The following FAM107B variants were observed in gnomAD, a reference collection of about 807,000 sequenced individuals.
FAM107B encodes family with sequence similarity 107 member B.
Under a neutral mutation model 31.5 loss-of-function variants are expected in FAM107B, and 21 were observed. The ratio of observed to expected loss-of-function variants is 0.67; its 90% CI spans 0.47 to 0.96. FAM107B has a LOEUF of 0.96. Ranked by LOEUF, FAM107B falls within the 40% of genes least tolerant of loss-of-function variation. The pLI is 0.00. For synonymous variants in FAM107B, 157 were observed against 141.5 expected, an observed-to-expected ratio of 1.11 and a Z score of -0.78; for missense variants, 452 against 377.1, an observed-to-expected ratio of 1.20 and a Z score of -1.64.
At chr10:14,544,933 C>T (rs1203432724) in intron 2 of FAM107B, among the ~76,000 whole-genome samples, 2 of 152,168 alleles carry the variant, frequency 1.3e-5, no homozygotes, top group African/African-American at 2.4e-5. Context: ...TACAAATGCA[C>T]AGCATGGTGA....
intron 1 of FAM107B, among the ~76,000 whole-genome samples, chr10:14,681,669 G>A (rs1854839362): frequency 6.6e-6 from 1 of 152,176 alleles, no homozygotes; most frequent in Non-Finnish European, 1.5e-5. Flanking sequence ...GATGGAGGAC[G>A]TGGGTGCTAT....
chr10:14,588,073 G>A (rs1328996562), intron 2 of FAM107B, among the ~76,000 whole-genome samples: 1 of 151,984 alleles, frequency 6.6e-6, no homozygotes, highest in African/African-American at 2.4e-5. Context: ...ATTAATCGAC[G>A]TGACGTTAGT....
chr10:14,762,943 A>C (rs1321730373), intron 1 of FAM107B, among the ~76,000 whole-genome samples: 4 of 152,120 alleles, frequency 2.6e-5, no homozygotes, highest in Non-Finnish European at 5.9e-5. Flanking sequence ...CTATATGTTA[A>C]TTTATTCATG....
At chr10:14,647,409 T>C (rs572223063) in intron 2 of FAM107B, among the ~76,000 whole-genome samples, 3 of 152,132 alleles carry the variant, frequency 2.0e-5, no homozygotes, top group Non-Finnish European at 4.4e-5. Context: ...CTGGGTGCAG[T>C]GGCTCAGGCC....
chr10:14,732,425 T>A (rs1319683254), intron 1 of FAM107B, among the ~76,000 whole-genome samples: 1 of 152,242 alleles, frequency 6.6e-6, no homozygotes, highest in Non-Finnish European at 1.5e-5. Context: ...TTCGGCCATT[T>A]ACTAGAAGCC....
At chr10:14,742,064 A>G (rs1856452911) in intron 1 of FAM107B, among the ~76,000 whole-genome samples, 1 of 151,952 alleles carries the variant, frequency 6.6e-6, no homozygotes, top group Non-Finnish European at 1.5e-5. Context: ...CAAGTGCTAC[A>G]GAATTAGCTG....
chr10:14,650,665 C>T (rs1224903022), intron 2 of FAM107B, among the ~76,000 whole-genome samples: 1 of 152,190 alleles, frequency 6.6e-6, no homozygotes, highest in African/African-American at 2.4e-5. Context: ...TTTAGTTCCT[C>T]CATTCCATAA....
chr10:14,585,795 T>C (rs1031971013), intron 2 of FAM107B, among the ~76,000 whole-genome samples: 1 of 152,188 alleles, frequency 6.6e-6, no homozygotes, highest in African/African-American at 2.4e-5. Context: ...CTCATACACA[T>C]AACAAATACT....
intron 1 of FAM107B, among the ~76,000 whole-genome samples, chr10:14,749,736 T>A (rs1319277045): frequency 6.6e-6 from 1 of 152,030 alleles, no homozygotes; most frequent in African/African-American, 2.4e-5. Context: ...AGGGGCACCA[T>A]CCTCCCTACC....
At chr10:14,625,391 A>G (rs989799369) in intron 2 of FAM107B, among the ~76,000 whole-genome samples, 4 of 151,926 alleles carry the variant, frequency 2.6e-5, no homozygotes, top group Admixed American at 2.6e-4. Flanking sequence ...ATGACGCCTC[A>G]TCTAGTCCCA....
chr10:14,559,099 C>CA lies in FAM107B; in HGVS notation c.470-28585dup, dbSNP rs745765049. ...CACATCAAAATCACCTGTGGAACTT[C>CA]AAAAAAAAAAAAAAAAAACAAAAAA... is the stretch of plus-strand genomic sequence containing the variant. On this transcript the variant is annotated intron_variant, in intron 2 of 4. Transcript: ENST00000181796. Among the ~76,000 whole-genome samples the CA allele has an allele frequency of 4.7e-3, 418 of 88,066 alleles. 2 individuals carry two copies. Among genetic ancestry groups the CA allele is most frequent in the East Asian group, 7.1e-3 (21 of 2,956 alleles). The allele number at this position is 88,066 out of a possible 152,430, so 57.8% of individuals were successfully genotyped here.
intron 2 of FAM107B, among the ~76,000 whole-genome samples, chr10:14,557,175 C>A (rs571902411): frequency 7.7e-4 from 117 of 152,322 alleles, no homozygotes; most frequent in African/African-American, 2.8e-3. Flanking sequence ...AGCTTGTTTC[C>A]CAACTCTCAC....
intron 1 of FAM107B, among the ~76,000 whole-genome samples, chr10:14,689,013 T>C (rs1855058837): frequency 6.6e-6 from 1 of 152,200 alleles, no homozygotes; most frequent in Non-Finnish European, 1.5e-5. Context: ...TTTCATTTCA[T>C]TTATTCAACA....
chr10:14,521,828 A>T, intron 4 of FAM107B, 41 bp downstream of exon 4: 1 of 1,601,818 alleles, frequency 6.2e-7, no homozygotes, highest in Non-Finnish European at 8.5e-7. Flanking sequence ...ATTCTTCAAG[A>T]CAAAAACAAA....
Position 14,774,427 on chromosome 10 carries a change from C to T in FAM107B, c.237G>A (p.Ser79=). The T allele has an allele frequency of 6.2e-7, 1 of 1,614,168 alleles. No individual in the cohort carries two copies. Among genetic ancestry groups the T allele is most frequent in the Non-Finnish European group, 8.5e-7 (1 of 1,180,036 alleles). The part of the protein sequence containing the change: ...AEGAPEKRQD[S]STHAERNGSA... ...TGCCATTTCTCTCTGCATGGGTGCTCGAATCTTGCCTTTTCTCTGGAGCTC... is the reference window on the plus strand; with the variant it reads ...TGCCATTTCTCTCTGCATGGGTGCTTGAATCTTGCCTTTTCTCTGGAGCTC... Residue 79 remains serine, a synonymous_variant, in exon 1 of 5, where the codon TCG becomes TCA. Coordinates refer to ENST00000181796, the MANE Select transcript of FAM107B (RefSeq NM_031453.4).
chr10:14,764,164 T>C (rs998144316), intron 1 of FAM107B, among the ~76,000 whole-genome samples: 2 of 152,268 alleles, frequency 1.3e-5, no homozygotes, highest in African/African-American at 4.8e-5. Flanking sequence ...TCATGCATTG[T>C]TTTATATCAA....
At chr10:14,689,215 A>C (rs1855065075) in intron 1 of FAM107B, among the ~76,000 whole-genome samples, 1 of 151,482 alleles carries the variant, frequency 6.6e-6, no homozygotes, top group African/African-American at 2.4e-5. Flanking sequence ...CCTCATCTCT[A>C]AAAAAAATAC....
intron 2 of FAM107B, among the ~76,000 whole-genome samples, chr10:14,559,121 A>C (rs1418040396): frequency 7.6e-6 from 1 of 131,438 alleles, no homozygotes; most frequent in Non-Finnish European, 1.7e-5. Flanking sequence ...AAAAAAACAA[A>C]AAAAAAACAC....
At chr10:14,552,318 TAAGA>T (rs1313310716) in intron 2 of FAM107B, among the ~76,000 whole-genome samples, 1 of 152,210 alleles carries the variant, frequency 6.6e-6, no homozygotes, top group East Asian at 1.9e-4. Context: ...GAAATACAGC[TAAGA>T]AAGACTCAGT....
Sources: allele counts gnomAD v4.1 joint callset (sites outside exome capture counted in the v4.1 genomes callset), GRCh38; gene constraint gnomAD v4.1.1; transcripts MANE v1.5; gene names NCBI Gene and HGNC (gene_info 2026-07-23, HGNC 2026-07-21).